The following CNTRL variants were observed in gnomAD, a reference collection of about 807,000 sequenced individuals.
CNTRL encodes 110 kDa centrosomal protein.
In CNTRL, 233 loss-of-function variants were observed where a neutral mutation model predicts 303.7. That is an observed-to-expected ratio of 0.77 (90% confidence interval 0.69 to 0.86). The LOEUF (loss-of-function observed/expected upper bound fraction) is 0.86. CNTRL is among the 40% of genes least tolerant of loss of function. The pLI is 0.00. For synonymous variants in CNTRL, 900 were observed against 922.2 expected (o/e 0.98, Z 0.44); for missense variants, 2,524 against 2,650.6 (o/e 0.95, Z 1.05).
chr9:121,160,315 G>A lies in CNTRL; in HGVS notation c.5089+13G>A. ...AAACATAAAACCGGTAAGTTTAAAG[G>A]AAAACAATCATACAAAGTTTGAGGT... On this transcript the variant is annotated intron_variant, in intron 32 of 43. Transcript: ENST00000373855. 6.9e-7 allele frequency: 1 copy of A among 1,458,518 alleles called. No individual in the cohort carries two copies. 90.3% of individuals were successfully genotyped at this position (1,458,518 alleles called of 1,614,324 possible).
At chr9:121,095,739 A>C (rs2048864381) in intron 5 of CNTRL, among the ~76,000 whole-genome samples, 1 of 152,232 alleles carries the variant, frequency 6.6e-6, no homozygotes, top group African/African-American at 2.4e-5. Context: ...ACTCTGATGA[A>C]AATATTTTCA....
rs145532735 is a variant in CNTRL, at chr9:121,128,955, G to A, written c.2025+3019G>A. Among the ~76,000 whole-genome samples the A allele has an allele frequency of 5.6e-3, 855 of 152,200 alleles. 9 individuals carry two copies. Among genetic ancestry groups the A allele is most frequent in the African/African-American group, 0.02 (830 of 41,496 alleles). On this transcript the variant is annotated intron_variant, in intron 14 of 43. Coordinates refer to ENST00000373855, the MANE Select transcript of CNTRL (RefSeq NM_007018.6). The stretch of plus-strand genomic sequence containing the variant: ...AAAGATCAGATGGTTGTAGATGTGT[G>A]GTGTTATTTATTTCTGCAGTCTCTG...
rs2049846964 is a variant in CNTRL at position 121,113,598 on chromosome 9, A to G, written c.1219A>G (p.Ser407Gly). Reference protein sequence around the residue: ...MFATESYIIDSAQAVQIKKME... With the variant: ...MFATESYIIDGAQAVQIKKME... ...TGCCACAGAGAGTTATATTATTGAC[A>G]GTGCTCAGGCAGTACAGATCAAGAA... Residue 407 changes from serine (S) to glycine (G), a missense_variant, in exon 10 of 44, where the codon AGT (serine) becomes GGT (glycine). By Grantham distance (56) the Ser-to-Gly change is moderately conservative (BLOSUM62 0). Coordinates refer to ENST00000373855, the MANE Select transcript of CNTRL (RefSeq NM_007018.6). 6.2e-7 allele frequency: 1 copy of G among 1,610,260 alleles called. No individual in the cohort carries two copies. The highest frequency in any genetic ancestry group is 8.5e-7 in the Non-Finnish European group (1 of 1,178,750).
intron 19 of CNTRL, 119 bp downstream of exon 19, chr9:121,142,389 C>G: frequency 1.2e-6 from 1 of 812,570 alleles, no homozygotes; most frequent in Non-Finnish European, 1.8e-6. Context: ...ATTGCTGGCA[C>G]AGTGCTGAAC....
intron 38 of CNTRL, among the ~76,000 whole-genome samples, chr9:121,169,109 A>G (rs1427985513): frequency 1.3e-5 from 2 of 152,220 alleles, no homozygotes; most frequent in African/African-American, 4.8e-5. Context: ...CTCACTATGT[A>G]CCAGGCGTTT....
In CNTRL at chr9:121,162,207, A is replaced by G; in HGVS notation, c.5359A>G (p.Lys1787Glu). 1 of 1,614,206 alleles carries G rather than the reference A, an allele frequency of 6.2e-7. No individual in the cohort carries two copies. The highest frequency in any genetic ancestry group is 8.5e-7 in the Non-Finnish European group (1 of 1,180,022). The change falls in exon 34 of 44, where the codon AAA becomes GAA. Residue 1787 changes from lysine (K) to glutamate (E), a missense_variant. Lys to Glu is a moderately conservative substitution (Grantham distance 56). Transcript: ENST00000373855. ...ACAATCGTGTGTTGAGTGTTTGAGC[A>G]AAGAAAAGGAAGATCTCCAAGAGAA... ...ALQSCVECLS[K>E]EKEDLQEKCD...
chr9:121,078,134 C>T (rs954998498), intron 1 of CNTRL, among the ~76,000 whole-genome samples: 3 of 152,048 alleles, frequency 2.0e-5, no homozygotes, highest in African/African-American at 7.2e-5. Context: ...TTACTGAGGG[C>T]TGGGCATGGT....
rs755174976 is a variant in CNTRL, at chr9:121,136,023, G to T, written c.2202+41G>T. 13 of 1,488,202 alleles carry T rather than the reference G, an allele frequency of 8.7e-6. No individual in the cohort carries two copies. In the South Asian group the frequency reaches 1.4e-4, roughly 16 times the overall value. 92.2% of individuals were successfully genotyped at this position (1,488,202 alleles called of 1,614,324 possible). A position where few individuals can be genotyped will look rare whatever the true frequency, so the allele number is the denominator to read the frequency against. ...AAGCCAACTGCAAACTAAGGACCCT[G>T]TGCCTTAAGATATCATCCTTCTTTT... On this transcript the variant is annotated intron_variant, in intron 15 of 43. Transcript: ENST00000373855.
rs370803512 is a variant in CNTRL, at chr9:121,119,646, C to T, written c.1650+1106C>T. On this transcript the variant is annotated intron_variant, in intron 12 of 43. Transcript: ENST00000373855. ...GAGTAGCTGGGATTACAGGCGCGCA[C>T]CACCACACCCAGCTAATTTTTGTAT... 7.8e-4 allele frequency among the ~76,000 whole-genome samples: 118 copies of T among 152,054 alleles called. 2 individuals are homozygous for T. Among genetic ancestry groups the T allele is most frequent in the African/African-American group, 2.7e-3 (110 of 41,474 alleles).
rs558086969 is a variant in CNTRL at position 121,140,774 on chromosome 9, C to G, written c.2471C>G (p.Thr824Ser). ...DELRRKLKLGTGEMNIHSPSD... is the reference protein window; with the variant it reads ...DELRRKLKLGSGEMNIHSPSD... Reference sequence around the variant, plus strand: ...CTAAGAAGAAAACTGAAATTAGGAACTGGGGAAATGAAGTAAGGAAAAAGC... The same window carrying G: ...CTAAGAAGAAAACTGAAATTAGGAAGTGGGGAAATGAAGTAAGGAAAAAGC... The change falls in exon 17 of 44, where the codon ACT becomes AGT. Residue 824 changes from threonine (T) to serine (S), a missense_variant. Thr to Ser is a moderately conservative substitution (Grantham distance 58). Coordinates refer to ENST00000373855, the MANE Select transcript of CNTRL (RefSeq NM_007018.6). 1 of 1,611,630 alleles carries G rather than the reference C, an allele frequency of 6.2e-7. No homozygotes were observed. The highest frequency in any genetic ancestry group is 1.3e-5 in the African/African-American group (1 of 74,984).
chr9:121,120,092 T>C (rs145329932), intron 12 of CNTRL, among the ~76,000 whole-genome samples: 312 of 151,890 alleles, frequency 2.1e-3, no homozygotes, highest in African/African-American at 7.4e-3. Context: ...CTTCTACATA[T>C]TCTCCTGGTA....
intron 1 of CNTRL, among the ~76,000 whole-genome samples, chr9:121,080,039 T>C (rs2048080034): frequency 6.6e-6 from 1 of 152,112 alleles, no homozygotes. Flanking sequence ...TGCTAGGCCA[T>C]AGAGAACAAA....
At chr9:121,142,803 C>T (rs762087363) in intron 19 of CNTRL, among the ~76,000 whole-genome samples, 1 of 152,170 alleles carries the variant, frequency 6.6e-6, no homozygotes, top group African/African-American at 2.4e-5. Context: ...ATTTGTCAGC[C>T]TTATTGAGCT....
chr9:121,113,834 C>A, intron 10 of CNTRL, 110 bp downstream of exon 10: 1 of 631,642 alleles, frequency 1.6e-6, no homozygotes, highest in Non-Finnish European at 2.4e-6. Context: ...GGTATTGTTT[C>A]CATGAAAAGT....
intron 9 of CNTRL, 63 bp downstream of exon 9, chr9:121,112,641 G>C: frequency 6.5e-7 from 1 of 1,529,024 alleles, no homozygotes; most frequent in Non-Finnish European, 9.0e-7. Flanking sequence ...AATGGGGGAG[G>C]GCAGGTGGTG....
chr9:121,135,717 T>G (rs1564253673), intron 14 of CNTRL, 89 bp from the exon 15 acceptor site: 1 of 1,256,688 alleles, frequency 8.0e-7, no homozygotes. Flanking sequence ...CAGCATTTGG[T>G]TTACAGTGCT....
chr9:121,169,817 G>C lies in CNTRL; in HGVS notation c.6276+1G>C. 2 of 1,613,272 alleles carry C rather than the reference G, an allele frequency of 1.2e-6. No individual in the cohort carries two copies. The highest frequency in any genetic ancestry group is 2.2e-5 in the South Asian group (2 of 91,028). On this transcript the variant is annotated splice_donor_variant, in intron 39 of 43. Coordinates refer to ENST00000373855, the MANE Select transcript of CNTRL (RefSeq NM_007018.6). LOFTEE classifies it high-confidence loss of function. Reference sequence around the variant, plus strand: ...GAGCCAGCTGGAGAAAAACCTTCTTGTGAGTACCTGCTGCCGTGGCAGTTT... The same window carrying C: ...GAGCCAGCTGGAGAAAAACCTTCTTCTGAGTACCTGCTGCCGTGGCAGTTT...
chr9:121,164,796 T>C (rs574834803), intron 34 of CNTRL, 147 bp from the exon 35 acceptor site: 1 of 514,556 alleles, frequency 1.9e-6, no homozygotes, highest in African/African-American at 2.0e-5. Context: ...AATAAGATTC[T>C]GAAAATGAGT....
chr9:121,098,311 T>C (rs113096477), intron 6 of CNTRL, 75 bp from the exon 7 acceptor site: 33 of 1,154,322 alleles, frequency 2.9e-5, no homozygotes, highest in African/African-American at 2.0e-4. Flanking sequence ...TAAATTTCCT[T>C]GATTTGTAAC....
Sources: gnomAD v4.1 joint callset for allele counts (sites outside exome capture counted in the v4.1 genomes callset) on GRCh38, gnomAD v4.1.1 for gene constraint, MANE v1.5 for transcripts, NCBI Gene and HGNC (gene_info 2026-07-23, HGNC 2026-07-21) for gene names.